Variants in CCDC141 observed in about 807,000 individuals in gnomAD.
CCDC141 encodes the protein coiled-coil domain containing 141, also known as coiled-coil domain-containing protein 141.
Under a neutral mutation model 181.0 loss-of-function variants are expected in CCDC141, and 168 were observed. The observed-to-expected ratio is 0.93, with a 90% CI of 0.82 to 1.05. The LOEUF is 1.05. Among genes scored for constraint, CCDC141 ranks in the 50% least tolerant of loss-of-function variants. CCDC141 has a pLI of 0.00. For missense variants in CCDC141, 1,902 were observed against 1,788.5 expected (o/e 1.06, Z -1.14); for synonymous variants, 666 against 642.3 (o/e 1.04, Z -0.56).
chr2:179,039,673 A>G (rs903758085), intron 2 of CCDC141, among the ~76,000 whole-genome samples: 3 of 152,140 alleles, frequency 2.0e-5, no homozygotes, highest in Non-Finnish European at 4.4e-5. Flanking sequence ...GACCCTGTAC[A>G]TACAAAAAGG....
intron 6 of CCDC141, among the ~76,000 whole-genome samples, chr2:178,923,075 A>G (rs934315134): frequency 6.7e-6 from 1 of 149,762 alleles, no homozygotes; most frequent in Non-Finnish European, 1.5e-5. Flanking sequence ...CATTTTTCAT[A>G]GGGGACACTT....
chr2:178,825,082 A>T (rs1684100683), downstream of CCDC141, among the ~76,000 whole-genome samples: 1 of 152,224 alleles, frequency 6.6e-6, no homozygotes, highest in East Asian at 1.9e-4. Flanking sequence ...ACATTTAGAC[A>T]ATACAAAACA....
intron 23 of CCDC141, 169 bp downstream of exon 23, chr2:178,836,725 G>A: frequency 1.5e-6 from 1 of 665,976 alleles, no homozygotes; most frequent in East Asian, 2.8e-5. Context: ...TATTAACTAT[G>A]CTGCTACTAA....
At chr2:178,886,917 C>T in intron 9 of CCDC141, 46 bp from the exon 10 acceptor site, 1 of 1,204,040 alleles carries the variant, frequency 8.3e-7, no homozygotes, top group Non-Finnish European at 1.1e-6. Flanking sequence ...TATATTTTTG[C>T]ATATATGTAC....
At position 178,853,444 on chromosome 2, in the gene CCDC141, A is replaced by G. The variant is rs1258534686; in HGVS notation, c.3241T>C (p.Tyr1081His). ...QEATDLAQHL[Y>H]GLEEGQKYIE... Reference sequence around the variant, plus strand: ...GATATCTTAAAAGAGATCTCACCATATAAGTGCTGAGCAAGGTCAGTGGCC... The same window carrying G: ...GATATCTTAAAAGAGATCTCACCATGTAAGTGCTGAGCAAGGTCAGTGGCC... The change falls in exon 20 of 24, where the codon TAT (tyrosine) becomes CAT (histidine). Residue 1081 changes from tyrosine to histidine, a missense_variant. Tyr to His is a moderately conservative substitution (Grantham distance 83). Coordinates refer to ENST00000443758, the MANE Select transcript of CCDC141 (RefSeq NM_173648.4). 5.6e-6 allele frequency: 9 copies of G among 1,613,708 alleles called. No individual in the cohort carries two copies. Among genetic ancestry groups the G allele is most frequent in the African/African-American group, 1.3e-5 (1 of 75,034 alleles).
intron 5 of CCDC141, among the ~76,000 whole-genome samples, chr2:178,949,914 C>A (rs1163337058): frequency 1.3e-5 from 2 of 152,224 alleles, no homozygotes; most frequent in African/African-American, 4.8e-5. Context: ...CCCAAAGCAA[C>A]ACATCAGAAT....
Position 179,032,504 on chromosome 2 carries a change from C to A in CCDC141, c.225+14780G>T, listed in dbSNP as rs914888355. 2.6e-5 allele frequency among the ~76,000 whole-genome samples: 4 copies of A among 152,274 alleles called. No individual in the cohort carries two copies. In the East Asian group the frequency reaches 5.8e-4, roughly 22 times the overall value. ...ACTAAAAGAGAGGGCTTTTCTGGAA[C>A]TTTTTCTGTCCACATCTGGTACGTA... On this transcript the variant is annotated intron_variant, in intron 2 of 23. Coordinates refer to ENST00000443758, the MANE Select transcript of CCDC141 (RefSeq NM_173648.4).
At chr2:178,895,719 A>G (rs1687375619) in intron 8 of CCDC141, among the ~76,000 whole-genome samples, 1 of 152,198 alleles carries the variant, frequency 6.6e-6, no homozygotes, top group African/African-American at 2.4e-5. Context: ...TCAACTTTGT[A>G]ATTTCCTAAA....
At chr2:178,928,763 G>A (rs548596571) in intron 6 of CCDC141, among the ~76,000 whole-genome samples, 26 of 152,080 alleles carry the variant, frequency 1.7e-4, no homozygotes, top group African/African-American at 5.8e-4. Context: ...AAAACATTTT[G>A]GAGGGACTTT....
Position 178,871,481 on chromosome 2 carries a change from G to A in CCDC141, c.2151C>T (p.Leu717=). Residue 717 remains leucine, a synonymous_variant, in exon 14 of 24, where the codon CTC becomes CTT. Transcript: ENST00000443758. ...PVSALDLGGS[L]QFILDLRQKW... ...TTTGTCGTAGATCTAAAATGAACTG[G>A]AGGCTCCCTCCGAGGTCAAGTGCAG... 6.2e-7 allele frequency: 1 copy of A among 1,613,912 alleles called. No individual in the cohort carries two copies. Among genetic ancestry groups the A allele is most frequent in the Non-Finnish European group, 8.5e-7 (1 of 1,179,874 alleles).
intron 5 of CCDC141, among the ~76,000 whole-genome samples, chr2:178,951,270 T>A (rs17453445): frequency 0.17 from 26,121 of 152,162 alleles, 2,346 homozygotes; most frequent in Middle Eastern, 0.22. Flanking sequence ...CCAATTATAT[T>A]CACTGTGTGT....
intron 17 of CCDC141, among the ~76,000 whole-genome samples, chr2:178,856,783 C>T (rs2154367686): frequency 6.6e-6 from 1 of 152,208 alleles, no homozygotes; most frequent in East Asian, 1.9e-4. Flanking sequence ...CAGGTTTTCA[C>T]CATGTTGGCC....
intron 2 of CCDC141, among the ~76,000 whole-genome samples, chr2:179,005,120 T>C (rs2154383832): frequency 6.6e-6 from 1 of 152,328 alleles, no homozygotes; most frequent in Admixed American, 6.5e-5. Context: ...TAGGGAAGAC[T>C]TTAGGAATGC....
Position 178,961,217 on chromosome 2 carries a change from C to T in CCDC141, c.780+13G>A. ...CTGAGGCTGGAACATCATCCAATGC[C>T]CCTTTGGGTTACCTGGTTTTCTTGT... On this transcript the variant is annotated intron_variant, in intron 5 of 23. Transcript: ENST00000443758. 6.5e-7 allele frequency: 1 copy of T among 1,549,422 alleles called. No homozygotes were observed. The highest frequency in any genetic ancestry group is 8.7e-7 in the Non-Finnish European group (1 of 1,146,216).
At chr2:178,998,060 TG>T (rs1692368436) in intron 2 of CCDC141, among the ~76,000 whole-genome samples, 1 of 152,200 alleles carries the variant, frequency 6.6e-6, no homozygotes, top group Non-Finnish European at 1.5e-5. Context: ...ATCTCATTTT[TG>T]CATGTCTTAT....
chr2:179,015,118 C>CAT (rs746795745), intron 2 of CCDC141, among the ~76,000 whole-genome samples: 11 of 25,932 alleles, frequency 4.2e-4, no homozygotes, highest in South Asian at 1.2e-3. Context: ...TATATATAAT[C>CAT]ATATATATAT....
At chr2:179,004,078 T>G (rs1158310016) in intron 2 of CCDC141, among the ~76,000 whole-genome samples, 1 of 152,198 alleles carries the variant, frequency 6.6e-6, no homozygotes. Flanking sequence ...GTCCAAGTCT[T>G]GGCATTTGGG....
intron 6 of CCDC141, among the ~76,000 whole-genome samples, chr2:178,941,878 T>G (rs757757193): frequency 2.2e-4 from 30 of 139,174 alleles, no homozygotes; most frequent in Non-Finnish European, 3.9e-4. Context: ...GAGAATCGCT[T>G]GAGCCCAGGA....
intron 23 of CCDC141, among the ~76,000 whole-genome samples, chr2:178,834,781 TG>T (rs1258593929): frequency 6.6e-6 from 1 of 151,498 alleles, no homozygotes; most frequent in Non-Finnish European, 1.5e-5. Flanking sequence ...GATCTCGCTA[TG>T]TTACCCAGGC....
Sources: allele counts gnomAD v4.1 joint callset (sites outside exome capture counted in the v4.1 genomes callset), GRCh38; gene constraint gnomAD v4.1.1; transcripts MANE v1.5; gene names NCBI Gene and HGNC (gene_info 2026-07-23, HGNC 2026-07-21).